The following DPYD variants were observed in gnomAD, a reference collection of about 807,000 sequenced individuals.
DPYD encodes the protein dihydropyrimidine dehydrogenase.
In DPYD, 109 loss-of-function variants were observed where a neutral mutation model predicts 116.2. That is an observed-to-expected ratio of 0.94 (90% CI 0.80 to 1.10). DPYD has a LOEUF of 1.10. Ranked by LOEUF, DPYD falls within the 50% of genes least tolerant of loss-of-function variation. The probability of loss-of-function intolerance (pLI) is 0.00; values close to 1 mark genes in which losing one functional copy is unlikely to be tolerated. For missense variants in DPYD, 1,302 were observed against 1,254.5 expected (o/e 1.04, Z -0.57); for synonymous variants, 440 against 432.0 (o/e 1.02, Z -0.23).
At chr1:97,241,836 G>C (rs2100774618) in intron 18 of DPYD, among the ~76,000 whole-genome samples, 1 of 151,802 alleles carries the variant, frequency 6.6e-6, no homozygotes, top group South Asian at 2.1e-4. Flanking sequence ...ACAGTGCCTA[G>C]CTTATAATGT....
chr1:97,357,934 A>G lies in DPYD; in HGVS notation c.2058+15627T>C, dbSNP rs573111256. Among the ~76,000 whole-genome samples the G allele has an allele frequency of 3.3e-5, 5 of 152,286 alleles. No homozygotes were observed. In the South Asian group the frequency reaches 1.0e-3, roughly 32 times the overall value. On this transcript the variant is annotated intron_variant, in intron 16 of 22. Transcript: ENST00000370192. ...CATTTCCAGCTGAGGTACCTGGTTC[A>G]TCTCATTGGGACTGGTTGGACAGTG...
At chr1:97,536,755 C>A (rs2102041113) in intron 12 of DPYD, among the ~76,000 whole-genome samples, 1 of 152,242 alleles carries the variant, frequency 6.6e-6, no homozygotes, top group South Asian at 2.1e-4. Flanking sequence ...GGGCTGCACA[C>A]CCAAATAAAT....
intron 3 of DPYD, among the ~76,000 whole-genome samples, chr1:97,804,457 C>T (rs1266106301): frequency 6.6e-6 from 1 of 151,718 alleles, no homozygotes; most frequent in East Asian, 1.9e-4. Flanking sequence ...AGATGCTATA[C>T]AATTTCATTA....
chr1:97,592,628 A>C (rs1368904149), intron 10 of DPYD, among the ~76,000 whole-genome samples: 1 of 152,140 alleles, frequency 6.6e-6, no homozygotes, highest in Non-Finnish European at 1.5e-5. Flanking sequence ...CAGCCTCCCA[A>C]AGTGCTGGGA....
At chr1:97,333,771 C>T (rs1046652762) in intron 16 of DPYD, among the ~76,000 whole-genome samples, 23 of 151,980 alleles carry the variant, frequency 1.5e-4, no homozygotes, top group Middle Eastern at 3.2e-3. Context: ...CCACCCGCCT[C>T]GGCCTCCCAA....
intron 18 of DPYD, among the ~76,000 whole-genome samples, chr1:97,292,722 G>GCA (rs71765073): frequency 0.088 from 13,156 of 149,836 alleles, 1,215 homozygotes; most frequent in African/African-American, 0.23. Flanking sequence ...ACACGCGCGA[G>GCA]CACACACACA....
At chr1:97,870,950 G>A (rs1023158276) in intron 2 of DPYD, among the ~76,000 whole-genome samples, 8 of 151,656 alleles carry the variant, frequency 5.3e-5, no homozygotes, top group African/African-American at 4.8e-5. Flanking sequence ...ATGCCCATTC[G>A]GGAAAACAGC....
intron 8 of DPYD, among the ~76,000 whole-genome samples, chr1:97,678,414 T>C (rs1305538691): frequency 6.6e-6 from 1 of 152,134 alleles, no homozygotes; most frequent in East Asian, 1.9e-4. Context: ...TTATATGCCG[T>C]AATTGCCCAT....
At chr1:97,354,451 A>C (rs1452993389) in intron 16 of DPYD, among the ~76,000 whole-genome samples, 2 of 152,234 alleles carry the variant, frequency 1.3e-5, no homozygotes, top group Non-Finnish European at 2.9e-5. Flanking sequence ...TTTGAGTTCC[A>C]AAGATAAAAT....
chr1:97,830,480 G>A (rs549978306), intron 2 of DPYD, among the ~76,000 whole-genome samples: 9 of 152,162 alleles, frequency 5.9e-5, no homozygotes, highest in South Asian at 4.2e-4. Context: ...TTGGGAGGCC[G>A]AGGTGGGCGG....
intron 3 of DPYD, among the ~76,000 whole-genome samples, chr1:97,817,506 T>C (rs552961715): frequency 9.4e-4 from 142 of 151,290 alleles, no homozygotes; most frequent in South Asian, 5.6e-3. Context: ...AGAGATGACT[T>C]ACAAAAAAAC....
intron 3 of DPYD, among the ~76,000 whole-genome samples, chr1:97,749,618 G>C (rs964734881): frequency 6.6e-6 from 1 of 152,110 alleles, no homozygotes; most frequent in Admixed American, 6.5e-5. Flanking sequence ...ATCCATAATA[G>C]AGAATAGTTA....
intron 3 of DPYD, among the ~76,000 whole-genome samples, chr1:97,753,908 G>A (rs994203527): frequency 1.3e-5 from 2 of 151,840 alleles, no homozygotes; most frequent in African/African-American, 4.8e-5. Flanking sequence ...TCCAGTATCT[G>A]GAATATTATA....
chr1:97,191,529 T>C (rs890376684), intron 20 of DPYD, among the ~76,000 whole-genome samples: 2 of 152,168 alleles, frequency 1.3e-5, no homozygotes, highest in Non-Finnish European at 2.9e-5. Flanking sequence ...AGTCTGAATC[T>C]TGATTCAAAC....
At chr1:97,699,229 A>G in intron 6 of DPYD, 122 bp downstream of exon 6, 1 of 1,066,796 alleles carries the variant, frequency 9.4e-7, no homozygotes, top group Non-Finnish European at 1.4e-6. Flanking sequence ...ATTTGGAAAA[A>G]GAACATTTAA....
chr1:97,385,808 G>T (rs950746429), intron 14 of DPYD, among the ~76,000 whole-genome samples: 10 of 152,074 alleles, frequency 6.6e-5, no homozygotes, highest in Non-Finnish European at 1.3e-4. Context: ...AGTAGGATAA[G>T]ATATATCCTC....
intron 20 of DPYD, among the ~76,000 whole-genome samples, chr1:97,105,408 G>A (rs1651065183): frequency 6.6e-6 from 1 of 152,008 alleles, no homozygotes; most frequent in South Asian, 2.1e-4. Flanking sequence ...TGTTTGCATT[G>A]CTCCAATCTA....
intron 1 of DPYD, among the ~76,000 whole-genome samples, chr1:97,884,985 A>G (rs556813228): frequency 2.0e-4 from 31 of 152,192 alleles, no homozygotes; most frequent in African/African-American, 5.3e-4. Flanking sequence ...AGTAAAGAAT[A>G]AATGAAATGC....
chr1:97,355,079 T>A (rs1275949569), intron 16 of DPYD, among the ~76,000 whole-genome samples: 1 of 152,208 alleles, frequency 6.6e-6, no homozygotes, highest in Non-Finnish European at 1.5e-5. Flanking sequence ...TTTATGAATT[T>A]ATTATTTTGG....
Sources: gnomAD v4.1 joint callset for allele counts (sites outside exome capture counted in the v4.1 genomes callset) on GRCh38, gnomAD v4.1.1 for gene constraint, MANE v1.5 for transcripts, NCBI Gene and HGNC (gene_info 2026-07-23, HGNC 2026-07-21) for gene names.